TTC7A: variants seen among roughly 807,000 people sequenced by gnomAD.
TTC7A encodes tetratricopeptide repeat protein 7A.
TTC7A carries 110 observed loss-of-function variants against 103.7 expected under a neutral mutation model. That is an observed-to-expected ratio of 1.06 (90% confidence interval 0.91 to 1.24). The LOEUF (loss-of-function observed/expected upper bound fraction) is 1.24, where lower values mean the gene tolerates loss of function less well. TTC7A is among the 50% of genes most tolerant of loss of function. The pLI, the probability that TTC7A is intolerant of heterozygous loss-of-function variation, is 0.00. For synonymous variants in TTC7A, 521 were observed against 467.9 expected (o/e 1.11, Z -1.47); for missense variants, 1,340 against 1,116.3 (o/e 1.20, Z -2.86).
intron 3 of TTC7A, among the ~76,000 whole-genome samples, chr2:46,959,355 T>G (rs1478652397): frequency 6.6e-6 from 1 of 152,194 alleles, no homozygotes; most frequent in East Asian, 1.9e-4. Context: ...GGCAGACTAT[T>G]AGGCCATGGC....
rs1312924165 is a variant in TTC7A, at chr2:46,945,958, G to C, written c.184+4233G>C. On this transcript the variant is annotated intron_variant, in intron 1 of 19. Transcript: ENST00000319190. ...AAGGGCCTGGTCTGAATCCTGGCCT[G>C]GCTGGCTAGACCAATGTTTCCTGAC... Among the ~76,000 whole-genome samples, 3 of 152,296 alleles carry C rather than the reference G, an allele frequency of 2.0e-5. No homozygotes were observed. The East Asian group carries it at 5.8e-4, about 29-fold the overall frequency.
chr2:47,038,464 A>T (rs1036065959), intron 15 of TTC7A, among the ~76,000 whole-genome samples: 1 of 152,164 alleles, frequency 6.6e-6, no homozygotes, highest in East Asian at 1.9e-4. Context: ...AGGCGTGGCC[A>T]CCTGACTCAG....
At chr2:46,926,441 G>A (rs1349753291) in intron 2 of TTC7A, among the ~76,000 whole-genome samples, 1 of 152,134 alleles carries the variant, frequency 6.6e-6, no homozygotes, top group Non-Finnish European at 1.5e-5. Context: ...GCACACAGTG[G>A]GGGCACTTAA....
At chr2:46,986,457 T>C (rs986488314) in intron 5 of TTC7A, among the ~76,000 whole-genome samples, 5 of 150,316 alleles carry the variant, frequency 3.3e-5, no homozygotes, top group African/African-American at 1.2e-4. Context: ...CCTCGTGGAG[T>C]GACCGTCCCA....
intron 19 of TTC7A, among the ~76,000 whole-genome samples, chr2:47,062,811 G>A (rs1445000179): frequency 6.6e-6 from 1 of 152,208 alleles, no homozygotes; most frequent in Admixed American, 6.5e-5. Flanking sequence ...ATCCAGAGTG[G>A]CTCCCTGCAG....
intron 2 of TTC7A, among the ~76,000 whole-genome samples, chr2:46,918,673 C>T (rs1668944599): frequency 6.6e-6 from 1 of 152,190 alleles, no homozygotes; most frequent in Non-Finnish European, 1.5e-5. Context: ...CCTTATAAGC[C>T]GTAGTGAAAC....
At chr2:46,993,302 T>TA (rs1675812416) in intron 5 of TTC7A, 148 bp from the exon 6 acceptor site, 1 of 720,320 alleles carries the variant, frequency 1.4e-6, no homozygotes, top group African/African-American at 1.8e-5. Flanking sequence ...GTCCTGGTGT[T>TA]ACAACTCTAA....
At chr2:47,035,963 C>A (rs1255664949) in intron 15 of TTC7A, among the ~76,000 whole-genome samples, 4 of 152,208 alleles carry the variant, frequency 2.6e-5, no homozygotes, top group Non-Finnish European at 5.9e-5. Flanking sequence ...TGGCTGGGAA[C>A]CTGCCTTTGT....
chr2:46,968,406 G>A (rs896693956), intron 3 of TTC7A, among the ~76,000 whole-genome samples: 10 of 152,228 alleles, frequency 6.6e-5, no homozygotes, highest in Non-Finnish European at 1.0e-4. Context: ...TAGTCTGGCC[G>A]TTTGTGCAGA....
At chr2:46,950,580 G>T (rs868138750) in intron 2 of TTC7A, 54 bp downstream of exon 2, 16 of 1,581,976 alleles carry the variant, frequency 1.0e-5, no homozygotes, top group Non-Finnish European at 1.4e-5. Flanking sequence ...GTCTTGCCTC[G>T]CATCTGTCCA....
chr2:47,019,493 T>G (rs1679047795), intron 11 of TTC7A, among the ~76,000 whole-genome samples: 3 of 152,184 alleles, frequency 2.0e-5, no homozygotes, highest in Admixed American at 2.0e-4. Flanking sequence ...GAGACGGTTT[T>G]AAACTACGTG....
chr2:47,037,643 A>G (rs1411536419), intron 15 of TTC7A, among the ~76,000 whole-genome samples: 1 of 152,222 alleles, frequency 6.6e-6, no homozygotes, highest in Admixed American at 6.5e-5. Context: ...AACAATAACA[A>G]TGATGCACCC....
At chr2:47,070,113 T>G (rs1684541224) in intron 19 of TTC7A, among the ~76,000 whole-genome samples, 1 of 152,236 alleles carries the variant, frequency 6.6e-6, no homozygotes, top group South Asian at 2.1e-4. Flanking sequence ...TTTGTGCTGC[T>G]CTGCCCTTGG....
chr2:47,006,863 G>T lies in TTC7A; in HGVS notation c.1287+139G>T, dbSNP rs991268604. On this transcript the variant is annotated intron_variant, in intron 10 of 19. Coordinates refer to ENST00000319190, the MANE Select transcript of TTC7A (RefSeq NM_020458.4). ...TTGAACCTCCGGGAGAGTGAGGGGC[G>T]TGGGGTGGGCCACACAGACACCTTG... 8.6e-6 allele frequency: 6 copies of T among 697,072 alleles called. No homozygotes were observed. In the Admixed American group the frequency reaches 8.7e-5, roughly 10 times the overall value. The allele number at this position is 697,072 out of a possible 1,614,324, so 43.2% of individuals were successfully genotyped here.
At chr2:47,067,960 G>C (rs945756437) in intron 19 of TTC7A, 2 of 152,222 alleles carry the variant, frequency 1.3e-5, no homozygotes, top group African/African-American at 4.8e-5. Context: ...CAAGGTCACA[G>C]ACCCTAGCTG....
chr2:46,931,922 T>G (rs1346431499), intron 2 of TTC7A, among the ~76,000 whole-genome samples: 1 of 152,152 alleles, frequency 6.6e-6, no homozygotes, highest in East Asian at 1.9e-4. Flanking sequence ...TACAACTAAG[T>G]TGATTCCAGA....
intron 10 of TTC7A, 67 bp downstream of exon 10, chr2:47,006,791 G>A: frequency 7.8e-7 from 1 of 1,283,232 alleles, no homozygotes; most frequent in Non-Finnish European, 1.1e-6. Context: ...ATGGACAGAG[G>A]GGCTTTTCTG....
chr2:47,014,347 A>G (rs1678405201), intron 11 of TTC7A, among the ~76,000 whole-genome samples: 1 of 152,184 alleles, frequency 6.6e-6, no homozygotes, highest in Admixed American at 6.5e-5. Flanking sequence ...GGGTTCTCCC[A>G]GCACTCTGCA....
Position 46,941,597 on chromosome 2 carries a change from G to A in TTC7A, c.56G>A (p.Arg19His). 6.4e-7 allele frequency: 1 copy of A among 1,557,198 alleles called. No homozygotes were observed. The highest frequency in any genetic ancestry group is 8.7e-7 in the Non-Finnish European group (1 of 1,151,092). ...SYLKVESELE[R>H]CRAEGHWDRM... ...CTGAAGGTGGAGAGCGAGCTGGAGC[G>A]CTGCCGCGCCGAGGGCCACTGGGAC... The change falls in exon 1 of 20, where the codon CGC (arginine) becomes CAC (histidine). Residue 19 changes from arginine to histidine, a missense_variant. Arg to His is a conservative substitution (Grantham distance 29, BLOSUM62 0). Transcript: ENST00000319190. This position sits in a 1 kb window ranked among gnomAD's most constrained non-coding sequence, Gnocchi z 4.2.
Sources: gnomAD v4.1 joint callset for allele counts (sites outside exome capture counted in the v4.1 genomes callset) on GRCh38, gnomAD v4.1.1 for gene constraint, Gnocchi (gnomAD v3.1) non-coding constraint, MANE v1.5 for transcripts, NCBI Gene and HGNC (gene_info 2026-07-23, HGNC 2026-07-21) for gene names.